The following CSMD2 variants were observed in gnomAD, a reference collection of about 807,000 sequenced individuals.
CSMD2 encodes the protein CUB and sushi domain-containing protein 2.
In CSMD2, 130 loss-of-function variants were observed where a neutral mutation model predicts 398.5. The observed-to-expected ratio is 0.33, with a 90% CI of 0.28 to 0.38. The LOEUF is 0.38. Among genes scored for constraint, CSMD2 ranks in the 10% least tolerant of loss-of-function variants. The pLI, the probability that CSMD2 is intolerant of heterozygous loss-of-function variation, is 1.00. For synonymous variants in CSMD2, 1,828 were observed against 1,908.5 expected (o/e 0.96, Z 1.10); for missense variants, 3,829 against 4,764.9 (o/e 0.80, Z 5.78).
chr1:33,567,441 C>G (rs903097763), intron 53 of CSMD2, 152 bp downstream of exon 53: 24 of 356,364 alleles, frequency 6.7e-5, no homozygotes, highest in Non-Finnish European at 1.1e-4. Flanking sequence ...AACATTAGAT[C>G]AACAATGCTT....
At chr1:33,978,550 C>T (rs1396289256) in intron 3 of CSMD2, among the ~76,000 whole-genome samples, 2 of 151,998 alleles carry the variant, frequency 1.3e-5, no homozygotes, top group Admixed American at 1.3e-4. Context: ...AAGGGCTTCC[C>T]GGGCAGAGAG....
chr1:33,727,237 A>G (rs1646565205), intron 15 of CSMD2, among the ~76,000 whole-genome samples: 1 of 152,196 alleles, frequency 6.6e-6, no homozygotes. Context: ...TGCTGGTTGG[A>G]TGAATCAATG....
At chr1:34,005,489 C>T (rs560736950) in intron 3 of CSMD2, among the ~76,000 whole-genome samples, 7 of 152,336 alleles carry the variant, frequency 4.6e-5, no homozygotes, top group South Asian at 2.1e-4. Flanking sequence ...GGCTCTACCA[C>T]GCCCAGGCCT....
intron 37 of CSMD2, among the ~76,000 whole-genome samples, chr1:33,618,973 C>T (rs1330292844): frequency 1.3e-5 from 2 of 152,166 alleles, no homozygotes; most frequent in African/African-American, 4.8e-5. Flanking sequence ...TTGAATCCCT[C>T]CCTGGCTGCC....
At position 33,700,509 on chromosome 1, in the gene CSMD2, A is replaced by C. The variant is rs1322773740; in HGVS notation, c.3733+8T>G. The C allele has an allele frequency of 6.2e-7, 1 of 1,613,950 alleles. No individual in the cohort carries two copies. On this transcript the variant is annotated splice_region_variant and intron_variant, in intron 23 of 70. Transcript: ENST00000373381. ...TTCCTTGTCCACACAGATGCAAGAAAGACTTACTGGAAAAGTGCAGTTCAA... is the reference window on the plus strand; with the variant it reads ...TTCCTTGTCCACACAGATGCAAGAACGACTTACTGGAAAAGTGCAGTTCAA...
chr1:33,815,047 C>T (rs902234130), intron 9 of CSMD2, among the ~76,000 whole-genome samples: 2 of 152,020 alleles, frequency 1.3e-5, no homozygotes, highest in Non-Finnish European at 2.9e-5. Context: ...ATCTCTAATC[C>T]TGGGGGCTGG....
chr1:33,822,067 C>T lies in CSMD2; in HGVS notation c.1112-1511G>A, dbSNP rs142360883. ...TCTGATCCTGAAAATGATGGGGAGCCGCTGGAGAGTTCTGGTGGGGAGAAG... is the reference window on the plus strand; with the variant it reads ...TCTGATCCTGAAAATGATGGGGAGCTGCTGGAGAGTTCTGGTGGGGAGAAG... On this transcript the variant is annotated intron_variant, in intron 7 of 70. Transcript: ENST00000373381. Among the ~76,000 whole-genome samples the T allele has an allele frequency of 1.1e-4, 16 of 152,154 alleles. No individual in the cohort carries two copies. The East Asian group carries it at 2.3e-3, about 22-fold the overall frequency.
chr1:34,043,496 T>C (rs1188451617), intron 2 of CSMD2, among the ~76,000 whole-genome samples: 2 of 152,268 alleles, frequency 1.3e-5, no homozygotes, highest in South Asian at 2.1e-4. Context: ...TGAATTGTTA[T>C]ATATCTGTCT....
At chr1:33,547,563 T>G (rs1421918470) in intron 56 of CSMD2, among the ~76,000 whole-genome samples, 2 of 152,232 alleles carry the variant, frequency 1.3e-5, no homozygotes, top group Non-Finnish European at 2.9e-5. Context: ...CTTCTCAACC[T>G]TGGGATTATT....
intron 2 of CSMD2, among the ~76,000 whole-genome samples, chr1:34,041,184 G>A (rs1242678922): frequency 6.6e-6 from 1 of 152,122 alleles, no homozygotes; most frequent in Non-Finnish European, 1.5e-5. Context: ...GGACAGAAGT[G>A]CTGGACTGTA....
intron 10 of CSMD2, among the ~76,000 whole-genome samples, chr1:33,793,440 A>T (rs951905022): frequency 5.3e-5 from 8 of 152,098 alleles, no homozygotes; most frequent in African/African-American, 1.9e-4. Context: ...AGATCTACAA[A>T]CTGAACATAC....
intron 5 of CSMD2, chr1:33,864,072 C>T: frequency 2.2e-6 from 2 of 916,722 alleles, no homozygotes; most frequent in Non-Finnish European, 3.4e-6. Flanking sequence ...CTGACTACAG[C>T]TCTTGCAGAC....
At chr1:33,982,006 A>G (rs1299135629) in intron 3 of CSMD2, among the ~76,000 whole-genome samples, 3 of 152,172 alleles carry the variant, frequency 2.0e-5, no homozygotes, top group Non-Finnish European at 4.4e-5. Flanking sequence ...ATTTGTGCCG[A>G]GGGCATGGGT....
chr1:33,863,520 T>C (rs1639706997), intron 5 of CSMD2: 1 of 152,234 alleles, frequency 6.6e-6, no homozygotes, highest in African/African-American at 2.4e-5. Flanking sequence ...GCCCAAGTGC[T>C]CAGGTTTTAA....
Position 33,792,543 on chromosome 1 carries a change from G to T in CSMD2, c.1447-17C>A. The T allele has an allele frequency of 6.4e-7, 1 of 1,574,528 alleles. No homozygotes were observed. Among genetic ancestry groups the T allele is most frequent in the Non-Finnish European group, 8.7e-7 (1 of 1,143,922 alleles). ...CTTGATCACCTAGGGAGGGAACACAGGGTTAGGAGCAGGCAGGGGCTGTGA... is the reference window on the plus strand; with the variant it reads ...CTTGATCACCTAGGGAGGGAACACATGGTTAGGAGCAGGCAGGGGCTGTGA... On this transcript the variant is annotated splice_polypyrimidine_tract_variant and intron_variant, in intron 10 of 70. Coordinates refer to ENST00000373381, the MANE Select transcript of CSMD2 (RefSeq NM_001281956.2).
At chr1:33,646,034 A>G (rs531330242) in intron 29 of CSMD2, among the ~76,000 whole-genome samples, 23 of 152,332 alleles carry the variant, frequency 1.5e-4, no homozygotes, top group African/African-American at 5.3e-4. Flanking sequence ...TAGGGGAAAA[A>G]TTGTTGACTC....
intron 2 of CSMD2, among the ~76,000 whole-genome samples, chr1:34,056,879 T>C (rs936831560): frequency 6.6e-6 from 1 of 152,076 alleles, no homozygotes; most frequent in African/African-American, 2.4e-5. Flanking sequence ...TCATATAAGG[T>C]GCCACTGGGA....
At chr1:34,072,972 T>G (rs1437671303) in intron 2 of CSMD2, among the ~76,000 whole-genome samples, 1 of 152,076 alleles carries the variant, frequency 6.6e-6, no homozygotes, top group Non-Finnish European at 1.5e-5. Context: ...CTGTGTGAAC[T>G]TGGATATCAA....
intron 5 of CSMD2, among the ~76,000 whole-genome samples, chr1:33,871,700 C>T (rs1385417789): frequency 1.1e-4 from 16 of 152,106 alleles, no homozygotes. Context: ...CACTACAGCC[C>T]TCACCTCCTG....
Sources: gnomAD v4.1 joint callset for allele counts (sites outside exome capture counted in the v4.1 genomes callset) on GRCh38, gnomAD v4.1.1 for gene constraint, MANE v1.5 for transcripts, NCBI Gene and HGNC (gene_info 2026-07-23, HGNC 2026-07-21) for gene names.